TRPV1: variants seen among roughly 807,000 people sequenced by gnomAD.
The protein encoded by TRPV1 is OTRPC1.
TRPV1 carries 82 observed loss-of-function variants against 82.3 expected under a neutral mutation model. That is an observed-to-expected ratio of 1.00 (90% CI 0.83 to 1.20). The LOEUF (loss-of-function observed/expected upper bound fraction) is 1.20. Ranked by LOEUF, TRPV1 falls within the 50% of genes most tolerant of loss-of-function variation. The pLI is 0.00. For synonymous variants in TRPV1, 515 were observed against 467.7 expected (o/e 1.10, Z -1.30); for missense variants, 1,067 against 1,096.8 (o/e 0.97, Z 0.38).
chr17:3,607,639 C>T (rs868491338), intron 2 of TRPV1, among the ~76,000 whole-genome samples: 3 of 151,222 alleles, frequency 2.0e-5, no homozygotes, highest in Non-Finnish European at 2.9e-5. Flanking sequence ...AGAGCTCAAG[C>T]GATTCTCCTG....
chr17:3,572,365 G>A (rs559696379), intron 14 of TRPV1, 116 bp from the exon 15 acceptor site: 13 of 1,343,580 alleles, frequency 9.7e-6, no homozygotes, highest in Non-Finnish European at 3.0e-6. Flanking sequence ...TGCCTCCAGG[G>A]TGGTTGTCCA....
intron 13 of TRPV1, among the ~76,000 whole-genome samples, chr17:3,576,234 A>G (rs1285969389): frequency 6.6e-6 from 1 of 151,398 alleles, no homozygotes; most frequent in Non-Finnish European, 1.5e-5. Context: ...AAAATAATTA[A>G]TGGCCAGGCA....
chr17:3,580,140 G>A lies in TRPV1; in HGVS notation c.1547+317C>T, dbSNP rs2074987708. On this transcript the variant is annotated intron_variant, in intron 11 of 16. Transcript: ENST00000572705. ...GATAGGAAACTCCCCAAAGGCGGGCGCCATGTCTGTTTCATCCAGTATTCC... is the reference window on the plus strand; with the variant it reads ...GATAGGAAACTCCCCAAAGGCGGGCACCATGTCTGTTTCATCCAGTATTCC... 3.3e-5 allele frequency among the ~76,000 whole-genome samples: 5 copies of A among 152,114 alleles called. No homozygotes were observed. In the South Asian group the frequency reaches 1.0e-3, roughly 32 times the overall value.
Position 3,566,769 on chromosome 17 carries a change from G to A in TRPV1, c.*46C>T, listed in dbSNP as rs758784849. The A allele has an allele frequency of 2.5e-6, 4 of 1,591,974 alleles. No individual in the cohort carries two copies. The highest frequency in any genetic ancestry group is 3.4e-6 in the Non-Finnish European group (4 of 1,167,520). The stretch of plus-strand genomic sequence containing the variant: ...CCCTCAGCAGCCCCCCGTGGCAACG[G>A]GGTCTCCTAAGGCCCAGTGTTGACA... On this transcript the variant is annotated 3_prime_UTR_variant, in exon 17 of 17. Transcript: ENST00000572705.
chr17:3,607,568 G>A (rs184571595), intron 2 of TRPV1, among the ~76,000 whole-genome samples: 6 of 142,108 alleles, frequency 4.2e-5, no homozygotes, highest in East Asian at 2.1e-4. Flanking sequence ...GCAGAGTCTC[G>A]CTCTGTCACC....
At chr17:3,591,681 T>G (rs902954294) in intron 3 of TRPV1, among the ~76,000 whole-genome samples, 35 of 151,904 alleles carry the variant, frequency 2.3e-4, no homozygotes, top group Admixed American at 2.1e-3. Flanking sequence ...GAGGCAGGGG[T>G]GTAGACAGCC....
chr17:3,585,875 T>C lies in TRPV1; in HGVS notation c.1276A>G (p.Lys426Glu). ...VEPLNRLLQD[K>E]WDRFVKRIFY... is the part of the protein sequence containing the mutation. ...ATGCGCTTGACGAATCTGTCCCACT[T>C]GTCCTGCAGGAGTCGGTTCAGCGGC... The change falls in exon 9 of 17, where the codon AAG (lysine) becomes GAG (glutamate). Residue 426 changes from lysine (K) to glutamate (E), a missense_variant. Physicochemically the swap from Lys to Glu is moderately conservative, Grantham distance 56 (BLOSUM62 1). Transcript: ENST00000572705. 6.2e-7 allele frequency: 1 copy of C among 1,613,902 alleles called. No individual in the cohort carries two copies.
chr17:3,577,114 C>T lies in TRPV1; in HGVS notation c.1780+12G>A. The T allele has an allele frequency of 1.3e-6, 2 of 1,578,088 alleles. No individual in the cohort carries two copies. The highest frequency in any genetic ancestry group is 1.7e-6 in the Non-Finnish European group (2 of 1,162,322). ...ACCCCTGCCCTCCCCCAGCGCTGAC[C>T]AAGCTCATTACCTGTGGAAAACCCG... On this transcript the variant is annotated intron_variant, in intron 13 of 16. Coordinates refer to ENST00000572705, the MANE Select transcript of TRPV1 (RefSeq NM_080704.4).
chr17:3,597,866 G>A (rs1381766125), intron 2 of TRPV1, among the ~76,000 whole-genome samples: 1 of 152,032 alleles, frequency 6.6e-6, no homozygotes, highest in Non-Finnish European at 1.5e-5. Flanking sequence ...TAGAGTCAGG[G>A]TTTCGCCATG....
intron 2 of TRPV1, among the ~76,000 whole-genome samples, chr17:3,593,031 C>A (rs1276591087): frequency 1.3e-5 from 2 of 151,570 alleles, no homozygotes; most frequent in African/African-American, 4.8e-5. Flanking sequence ...TGCTTTTTGT[C>A]ATTTTTATGA....
At position 3,573,728 on chromosome 17, in the gene TRPV1, G is replaced by A. The variant is rs1161174279; in HGVS notation, c.2008C>T (p.Leu670Phe). 1.1e-5 allele frequency: 18 copies of A among 1,613,932 alleles called. No homozygotes were observed. In the Admixed American group the frequency reaches 2.8e-4, roughly 25 times the overall value. Reference protein sequence around the residue: ...FIILLLAYVILTYILLLNMLI... With the variant: ...FIILLLAYVIFTYILLLNMLI... ...ATGTTGAGCAGGAGGATGTAGGTGA[G>A]AATTACATAGGCCAGCAGCAGGATG... Residue 670 changes from leucine (L) to phenylalanine (F), a missense_variant, in exon 14 of 17, where the codon CTC becomes TTC. By Grantham distance (22) the Leu-to-Phe change is conservative. Coordinates refer to ENST00000572705, the MANE Select transcript of TRPV1 (RefSeq NM_080704.4).
rs967586527 is a variant in TRPV1 at position 3,565,669 on chromosome 17, T to G, written c.*1146A>C. The G allele has an allele frequency of 2.0e-5, 3 of 152,292 alleles. No homozygotes were observed. The highest frequency in any genetic ancestry group is 7.2e-5 in the African/African-American group (3 of 41,462). 9.4% of individuals were successfully genotyped at this position (152,292 alleles called of 1,614,324 possible). On this transcript the variant is annotated 3_prime_UTR_variant, in exon 17 of 17. Transcript: ENST00000572705. ...TAAGGAAGGATGAAGAAGGCACTGC[T>G]GCAACAGCTTGATTCTGCCAGAGCT...
chr17:3,575,468 CAG>C (rs2074917737), intron 13 of TRPV1, among the ~76,000 whole-genome samples: 2 of 140,730 alleles, frequency 1.4e-5, no homozygotes, highest in South Asian at 2.5e-4. Context: ...GGGCGACAGA[CAG>C]AGACTCCTTC....
chr17:3,588,277 G>A lies in TRPV1; in HGVS notation c.1135C>T (p.His379Tyr). The change falls in exon 8 of 17, where the codon CAC becomes TAC. Residue 379 changes from histidine to tyrosine, a missense_variant. By Grantham distance (83) the His-to-Tyr change is moderately conservative. Transcript: ENST00000572705. ...CAGGACAGGTCGTACAGCGAGGAGT[G>A]CACGGGCCCGTAGGCCCACTCGGTG... is the stretch of plus-strand genomic sequence containing the variant. ...KFTEWAYGPVHSSLYDLSCID... is the reference protein window; with the variant it reads ...KFTEWAYGPVYSSLYDLSCID... 6.3e-7 allele frequency: 1 copy of A among 1,579,800 alleles called. No individual in the cohort carries two copies. Among genetic ancestry groups the A allele is most frequent in the Non-Finnish European group, 8.6e-7 (1 of 1,163,484 alleles).
chr17:3,599,999 T>C (rs2075249591), intron 2 of TRPV1, among the ~76,000 whole-genome samples: 1 of 152,214 alleles, frequency 6.6e-6, no homozygotes, highest in Non-Finnish European at 1.5e-5. Flanking sequence ...ATTCACCAGC[T>C]GATGAACACT....
At chr17:3,579,496 G>A (rs1179468156) in intron 11 of TRPV1, among the ~76,000 whole-genome samples, 1 of 152,114 alleles carries the variant, frequency 6.6e-6, no homozygotes, top group African/African-American at 2.4e-5. Context: ...TTTATTTAGA[G>A]ATGGAATCTC....
At chr17:3,576,668 A>AAAAAAAATATATATATATAT in intron 13 of TRPV1, among the ~76,000 whole-genome samples, 4 of 38,386 alleles carry the variant, frequency 1.0e-4, no homozygotes, top group African/African-American at 2.9e-4. Context: ...AAAAAAAAAA[A>AAAAAAAATATATATATATAT]ATATATATAT....
At chr17:3,595,510 C>T (rs144608662) in intron 2 of TRPV1, among the ~76,000 whole-genome samples, 16 of 152,292 alleles carry the variant, frequency 1.1e-4, no homozygotes, top group Admixed American at 2.6e-4. Flanking sequence ...AAGCACCTCT[C>T]GCTCAAACAA....
chr17:3,580,548 T>A, intron 10 of TRPV1, 21 bp from the exon 11 acceptor site: 2 of 1,613,500 alleles, frequency 1.2e-6, no homozygotes, highest in African/African-American at 1.3e-5. Flanking sequence ...ACAGAGAGAG[T>A]AAGATCCCAG....
Sources: gnomAD v4.1 joint callset for allele counts (sites outside exome capture counted in the v4.1 genomes callset) on GRCh38, gnomAD v4.1.1 for gene constraint, MANE v1.5 for transcripts, NCBI Gene and HGNC (gene_info 2026-07-23, HGNC 2026-07-21) for gene names.